Variants in ZNF521 observed in about 807,000 individuals in gnomAD.
ZNF521 encodes the protein zinc finger protein 521, also known as LYST-interacting protein 3.
Under a neutral mutation model 105.5 loss-of-function variants are expected in ZNF521, and 14 were observed. That is an observed-to-expected ratio of 0.13 (90% CI 0.09 to 0.21). ZNF521 has a LOEUF of 0.21. Among genes scored for constraint, ZNF521 ranks in the 10% least tolerant of loss-of-function variants. The probability of loss-of-function intolerance (pLI) is 1.00; values close to 1 mark genes in which losing one functional copy is unlikely to be tolerated. For synonymous variants in ZNF521, 635 were observed against 606.0 expected, an observed-to-expected ratio of 1.05 and a Z score of -0.70; for missense variants, 1,233 against 1,629.7, an observed-to-expected ratio of 0.76 and a Z score of 4.19.
chr18:25,126,533 T>C lies in ZNF521; in HGVS notation c.3659-34452A>G, dbSNP rs117638933. 5.7e-3 allele frequency among the ~76,000 whole-genome samples: 872 copies of C among 152,216 alleles called. 3 individuals are homozygous for C. Among genetic ancestry groups the C allele is most frequent in the Non-Finnish European group, 9.4e-3 (640 of 67,972 alleles). On this transcript the variant is annotated intron_variant, in intron 5 of 7. Coordinates refer to ENST00000361524, the MANE Select transcript of ZNF521 (RefSeq NM_015461.3). Reference sequence around the variant, plus strand: ...TCATATTTAAAAATCTTTATTCAACTGAAGAAGCAGCTCTGTTTTGTGAAG... The same window carrying C: ...TCATATTTAAAAATCTTTATTCAACCGAAGAAGCAGCTCTGTTTTGTGAAG...
At chr18:25,089,118 C>T (rs890278064) in intron 7 of ZNF521, among the ~76,000 whole-genome samples, 1 of 152,170 alleles carries the variant, frequency 6.6e-6, no homozygotes, top group Non-Finnish European at 1.5e-5. Context: ...CAGCTTGGAG[C>T]CCAGTGGGAA....
intron 3 of ZNF521, among the ~76,000 whole-genome samples, chr18:25,267,592 A>C (rs1600233359): frequency 6.6e-6 from 1 of 152,266 alleles, no homozygotes; most frequent in South Asian, 2.1e-4. Context: ...GCAGGCAGCA[A>C]TCTTTGCTGT....
intron 5 of ZNF521, among the ~76,000 whole-genome samples, chr18:25,124,561 AACATT>A (rs2034503729): frequency 6.6e-6 from 1 of 152,148 alleles, no homozygotes; most frequent in Admixed American, 6.5e-5. Flanking sequence ...ATTTGTACTG[AACATT>A]TCCCCCTTTT....
At chr18:25,230,235 T>C (rs924656346) in intron 3 of ZNF521, among the ~76,000 whole-genome samples, 1 of 152,160 alleles carries the variant, frequency 6.6e-6, no homozygotes, top group African/African-American at 2.4e-5. Context: ...CAGAAGTAAA[T>C]AGTTTGAGCA....
intron 2 of ZNF521, among the ~76,000 whole-genome samples, chr18:25,325,093 C>T (rs73947308): frequency 0.013 from 1,990 of 152,284 alleles, 45 homozygotes; most frequent in African/African-American, 0.045. Context: ...CTCTGGGAAG[C>T]GGGTTCGATT....
chr18:25,130,748 GCCT>G (rs2034625465), intron 5 of ZNF521, among the ~76,000 whole-genome samples: 1 of 152,038 alleles, frequency 6.6e-6, no homozygotes, highest in Non-Finnish European at 1.5e-5. Flanking sequence ...TTGGAGATAG[GCCT>G]GGGCAACATA....
At chr18:25,091,894 A>G (rs1367331616) in intron 6 of ZNF521, 56 bp downstream of exon 6, 2 of 1,591,938 alleles carry the variant, frequency 1.3e-6, no homozygotes, top group African/African-American at 1.3e-5. Context: ...CTTTGGTAGG[A>G]AAGACATGAT....
chr18:25,308,648 A>ACCCCCCCCCCCCCCC (rs764455271), intron 3 of ZNF521, among the ~76,000 whole-genome samples: 4 of 116,302 alleles, frequency 3.4e-5, no homozygotes, highest in African/African-American at 6.3e-5. Flanking sequence ...CCTTAATGAC[A>ACCCCCCCCCCCCCCC]TCCCCCCCCC....
At chr18:25,113,072 G>C (rs918371045) in intron 5 of ZNF521, among the ~76,000 whole-genome samples, 1 of 151,978 alleles carries the variant, frequency 6.6e-6, no homozygotes, top group African/African-American at 2.4e-5. Context: ...TCGGCATAGG[G>C]GAAAGGGCCT....
chr18:25,090,784 C>A (rs1225967443), intron 6 of ZNF521, among the ~76,000 whole-genome samples: 1 of 152,158 alleles, frequency 6.6e-6, no homozygotes, highest in Non-Finnish European at 1.5e-5. Context: ...ACCCAGTCCT[C>A]CTTTATGAAG....
chr18:25,297,905 C>T (rs576011074), intron 3 of ZNF521, among the ~76,000 whole-genome samples: 55 of 152,212 alleles, frequency 3.6e-4, no homozygotes, highest in Admixed American at 1.5e-3. Context: ...CCCTCCCATT[C>T]TTAGACTTTT....
At chr18:25,230,834 G>C (rs1215326806) in intron 3 of ZNF521, among the ~76,000 whole-genome samples, 1 of 152,154 alleles carries the variant, frequency 6.6e-6, no homozygotes, top group Non-Finnish European at 1.5e-5. Context: ...CTAGAAACCA[G>C]CTCTGTGGCC....
chr18:25,088,247 GCTCTGTTGCCCAGGCT>G lies in ZNF521; in HGVS notation c.3906+1202_3906+1217del, dbSNP rs927950717. Among the ~76,000 whole-genome samples the G allele has an allele frequency of 3.3e-5, 5 of 150,166 alleles. No individual in the cohort carries two copies. The Middle Eastern group carries it at 0.01, about 309-fold the overall frequency. On this transcript the variant is annotated intron_variant, in intron 7 of 7. Coordinates refer to ENST00000361524, the MANE Select transcript of ZNF521 (RefSeq NM_015461.3). ...TTTTTTTTTTTTGAGACAGAGTCTC[GCTCTGTTGCCCAGGCT>G]GGAGTGCAGTGGTGTGATCTCGGCT... is the stretch of plus-strand genomic sequence containing the variant.
intron 5 of ZNF521, among the ~76,000 whole-genome samples, chr18:25,185,656 T>G (rs889724873): frequency 2.0e-5 from 3 of 152,112 alleles, no homozygotes; most frequent in African/African-American, 7.2e-5. Context: ...GCTACATGGT[T>G]AGAAGCAGTG....
intron 3 of ZNF521, among the ~76,000 whole-genome samples, chr18:25,240,010 T>C (rs867687547): frequency 2.0e-5 from 3 of 152,178 alleles, no homozygotes; most frequent in Non-Finnish European, 4.4e-5. Flanking sequence ...CTCTTCAGGC[T>C]GAGGAGAACC....
intron 2 of ZNF521, among the ~76,000 whole-genome samples, chr18:25,322,734 G>C (rs1913007517): frequency 6.6e-6 from 1 of 152,084 alleles, no homozygotes; most frequent in Non-Finnish European, 1.5e-5. Flanking sequence ...GACAGTGATA[G>C]CAAAATAAGC....
intron 3 of ZNF521, among the ~76,000 whole-genome samples, chr18:25,287,253 G>C (rs1436933313): frequency 6.6e-6 from 1 of 152,186 alleles, no homozygotes; most frequent in Non-Finnish European, 1.5e-5. Flanking sequence ...ACTGAGGAGA[G>C]AGCAGCAAAT....
chr18:25,274,953 GA>G (rs1196415218), intron 3 of ZNF521, among the ~76,000 whole-genome samples: 1 of 151,720 alleles, frequency 6.6e-6, no homozygotes, highest in African/African-American at 2.4e-5. Context: ...AGAGTACAGA[GA>G]AAAAAAAGTT....
chr18:25,142,560 A>T (rs1217516360), intron 5 of ZNF521, among the ~76,000 whole-genome samples: 6 of 152,062 alleles, frequency 3.9e-5, no homozygotes. Flanking sequence ...TTCTGATGAC[A>T]AGGAGAATAG....
Sources: gnomAD v4.1 joint callset for allele counts (sites outside exome capture counted in the v4.1 genomes callset) on GRCh38, gnomAD v4.1.1 for gene constraint, MANE v1.5 for transcripts, NCBI Gene and HGNC (gene_info 2026-07-23, HGNC 2026-07-21) for gene names.